PAFAH2: variants seen among roughly 807,000 people sequenced by gnomAD.
PAFAH2 encodes platelet activating factor acetylhydrolase 2.
Under a neutral mutation model 49.0 loss-of-function variants are expected in PAFAH2, and 42 were observed. The observed-to-expected ratio is 0.86, with a 90% CI of 0.67 to 1.11. The LOEUF is 1.11. Ranked by LOEUF, PAFAH2 falls within the 50% of genes least tolerant of loss-of-function variation. PAFAH2 has a pLI of 0.00. For synonymous variants in PAFAH2, 184 were observed against 181.3 expected (o/e 1.01, Z -0.12); for missense variants, 503 against 501.8 (o/e 1.00, Z -0.02).
At position 25,960,814 on chromosome 1, in the gene PAFAH2, T is replaced by C. The variant is rs2049328361; in HGVS notation, c.*1175A>G. On this transcript the variant is annotated 3_prime_UTR_variant, in exon 11 of 11. Coordinates refer to ENST00000374282, the MANE Select transcript of PAFAH2 (RefSeq NM_000437.4). Reference sequence around the variant, plus strand: ...TATTTTAAATTTTTCTTTTTCTTTTTTTTTTTTTTAAGACAGAGTCTTGCT... The same window carrying C: ...TATTTTAAATTTTTCTTTTTCTTTTCTTTTTTTTTAAGACAGAGTCTTGCT... 1 of 151,708 alleles carries C rather than the reference T, an allele frequency of 6.6e-6. No individual in the cohort carries two copies. The highest frequency in any genetic ancestry group is 1.5e-5 in the Non-Finnish European group (1 of 67,948). 9.4% of individuals were successfully genotyped at this position (151,708 alleles called of 1,614,324 possible).
At chr1:25,990,302 T>A (rs1423095412) in intron 2 of PAFAH2, among the ~76,000 whole-genome samples, 1 of 151,842 alleles carries the variant, frequency 6.6e-6, no homozygotes, top group Non-Finnish European at 1.5e-5. Context: ...GGAAAACAGA[T>A]CAAGGCAGGA....
rs2049596827 is a variant in PAFAH2, at chr1:25,976,786, G to A, written c.667-13C>T. ...TGTCAATGTTGCCCTGAGGAAAGTG[G>A]AGAACTTAGCCAAGTCAGAAACTCA... On this transcript the variant is annotated splice_polypyrimidine_tract_variant and intron_variant, in intron 7 of 10. Transcript: ENST00000374282. 1 of 1,609,044 alleles carries A rather than the reference G, an allele frequency of 6.2e-7. No homozygotes were observed. The highest frequency in any genetic ancestry group is 8.5e-7 in the Non-Finnish European group (1 of 1,175,688).
At chr1:25,989,700 G>T (rs1483846174) in intron 2 of PAFAH2, 99 bp from the exon 3 acceptor site, 3 of 978,830 alleles carry the variant, frequency 3.1e-6, no homozygotes, top group Admixed American at 8.2e-5. Flanking sequence ...GCAAAACAGG[G>T]CACCAAAACA....
intron 10 of PAFAH2, among the ~76,000 whole-genome samples, chr1:25,969,981 C>A (rs1038799889): frequency 6.6e-6 from 1 of 152,100 alleles, no homozygotes; most frequent in African/African-American, 2.4e-5. Flanking sequence ...CAAACACAGG[C>A]TGGAATCAAG....
chr1:25,978,214 T>C (rs2049626360), intron 7 of PAFAH2, among the ~76,000 whole-genome samples: 1 of 152,026 alleles, frequency 6.6e-6, no homozygotes, highest in South Asian at 2.1e-4. Context: ...TAAAAAAAAA[T>C]AGGTTAATAT....
chr1:25,986,611 C>T (rs185152033), intron 4 of PAFAH2, among the ~76,000 whole-genome samples: 30 of 152,176 alleles, frequency 2.0e-4, no homozygotes, highest in Middle Eastern at 3.4e-3. Flanking sequence ...CTCACTGCAA[C>T]CTCCACCTCC....
chr1:25,993,632 A>G (rs1400779522), intron 1 of PAFAH2, among the ~76,000 whole-genome samples: 1 of 152,130 alleles, frequency 6.6e-6, no homozygotes, highest in Non-Finnish European at 1.5e-5. Context: ...AACAAACCCA[A>G]TTCTTTTGAA....
At chr1:25,975,139 C>T (rs1222176356) in intron 8 of PAFAH2, among the ~76,000 whole-genome samples, 1 of 152,144 alleles carries the variant, frequency 6.6e-6, no homozygotes, top group Non-Finnish European at 1.5e-5. Flanking sequence ...CTCCTTGGTG[C>T]CAACAGCAAA....
At chr1:25,970,620 C>CT (rs2049492043) in intron 10 of PAFAH2, among the ~76,000 whole-genome samples, 1 of 152,298 alleles carries the variant, frequency 6.6e-6, no homozygotes, top group East Asian at 1.9e-4. Context: ...CGGTATCACT[C>CT]TGTTGCCCAG....
intron 10 of PAFAH2, among the ~76,000 whole-genome samples, chr1:25,969,882 G>A (rs992150868): frequency 1.3e-5 from 2 of 152,106 alleles, no homozygotes; most frequent in Non-Finnish European, 2.9e-5. Flanking sequence ...GCAGTCAGGC[G>A]CCATTAAAGT....
chr1:25,962,910 C>G (rs930425532), intron 10 of PAFAH2, among the ~76,000 whole-genome samples: 1 of 152,008 alleles, frequency 6.6e-6, no homozygotes, highest in African/African-American at 2.4e-5. Flanking sequence ...GACAGCTCAG[C>G]CTGTGGGTGC....
chr1:25,972,647 A>G lies in PAFAH2; in HGVS notation c.995T>C (p.Phe332Ser), dbSNP rs199892319. The G allele has an allele frequency of 4.2e-5, 68 of 1,613,836 alleles. No homozygotes were observed. Among genetic ancestry groups the G allele is most frequent in the Middle Eastern group, 3.3e-4 (2 of 6,078 alleles). The change falls in exon 10 of 11, where the codon TTC becomes TCC. Residue 332 changes from phenylalanine (F) to serine (S), a missense_variant. By Grantham distance (155) the Phe-to-Ser change is radical. Coordinates refer to ENST00000374282, the MANE Select transcript of PAFAH2 (RefSeq NM_000437.4). ...FVTGNLIGKF[F>S]STETRGSLDP... is the part of the protein sequence containing the mutation. ...CAGGCTCCCACGGGTTTCAGTGGAG[A>G]AGAATTTACCAATCAAGTTGCCAGT... is the stretch of plus-strand genomic sequence containing the variant.
intron 7 of PAFAH2, among the ~76,000 whole-genome samples, chr1:25,978,880 A>G (rs1248802224): frequency 2.6e-5 from 4 of 152,248 alleles, no homozygotes; most frequent in African/African-American, 9.6e-5. Flanking sequence ...GCATTAACCA[A>G]GCAAATACAT....
In PAFAH2 at chr1:25,960,554, A is replaced by C. The variant is rs940128740; in HGVS notation, c.*1435T>G. The C allele has an allele frequency of 3.9e-5, 6 of 152,676 alleles. No individual in the cohort carries two copies. The allele number at this position is 152,676 out of a possible 1,614,324, so 9.5% of individuals were successfully genotyped here. A position where few individuals can be genotyped will look rare whatever the true frequency, so the allele number is the denominator to read the frequency against. On this transcript the variant is annotated 3_prime_UTR_variant, in exon 11 of 11. Transcript: ENST00000374282. The stretch of plus-strand genomic sequence containing the variant: ...TGCAGATTAAACAGAAAATTCCAAC[A>C]TAACATTAAGCAAACAAGAGTATTA...
chr1:25,962,119 A>C (rs2049347606), intron 10 of PAFAH2, 36 bp from the exon 11 acceptor site: 1 of 1,542,482 alleles, frequency 6.5e-7, no homozygotes, highest in Non-Finnish European at 9.0e-7. Context: ...TAGGCAAATC[A>C]TTGTGAGGTT....
At chr1:25,995,573 GCTTA>G (rs1467337897) in intron 1 of PAFAH2, among the ~76,000 whole-genome samples, 8 of 152,122 alleles carry the variant, frequency 5.3e-5, no homozygotes, top group African/African-American at 1.9e-4. Context: ...TGCAGCAGAC[GCTTA>G]CTGAGTATAT....
chr1:25,973,231 G>C (rs932403158), intron 9 of PAFAH2, among the ~76,000 whole-genome samples: 1 of 152,122 alleles, frequency 6.6e-6, no homozygotes, highest in Non-Finnish European at 1.5e-5. Context: ...TTGTAAAAGG[G>C]GGTTTCTGGG....
At chr1:25,985,421 GA>G (rs2124357010) in intron 4 of PAFAH2, among the ~76,000 whole-genome samples, 1 of 152,286 alleles carries the variant, frequency 6.6e-6, no homozygotes, top group Admixed American at 6.5e-5. Context: ...GCAATGAGAG[GA>G]AACAATGTTC....
At chr1:25,993,311 G>C (rs1426342320) in intron 1 of PAFAH2, among the ~76,000 whole-genome samples, 1 of 152,176 alleles carries the variant, frequency 6.6e-6, no homozygotes, top group Non-Finnish European at 1.5e-5. Flanking sequence ...AGGAGTTCCA[G>C]TCAAAGCATG....
Sources: gnomAD v4.1 joint callset for allele counts (sites outside exome capture counted in the v4.1 genomes callset) on GRCh38, gnomAD v4.1.1 for gene constraint, MANE v1.5 for transcripts, NCBI Gene and HGNC (gene_info 2026-07-23, HGNC 2026-07-21) for gene names.